Variants in ARHGEF40 observed in about 807,000 individuals in gnomAD.
ARHGEF40 encodes Rho guanine nucleotide exchange factor (GEF) 40.
ARHGEF40 carries 98 observed loss-of-function variants against 165.9 expected under a neutral mutation model. The ratio of observed to expected loss-of-function variants is 0.59; its 90% CI spans 0.50 to 0.70. The LOEUF (loss-of-function observed/expected upper bound fraction) is 0.70, where lower values mean the gene tolerates loss of function less well. Among genes scored for constraint, ARHGEF40 ranks in the 30% least tolerant of loss-of-function variants. The pLI is 0.00. For missense variants in ARHGEF40, 1,815 were observed against 1,968.0 expected (o/e 0.92, Z 1.47); for synonymous variants, 792 against 814.3 (o/e 0.97, Z 0.47).
Position 21,081,952 on chromosome 14 carries a change from G to A in ARHGEF40, c.3084G>A (p.Glu1028=). Reference sequence around the variant, plus strand: ...GCCCTGAGCTGGCTCCAGAAGCAGAGGGCAGGCCCCCAAGAGCTGTGCTGA... The same window carrying A: ...GCCCTGAGCTGGCTCCAGAAGCAGAAGGCAGGCCCCCAAGAGCTGTGCTGA... ...EEGPELAPEA[E]GRPPRAVLIR... Residue 1028 remains glutamate, a synonymous_variant, in exon 14 of 24, where the codon GAG becomes GAA. Coordinates refer to ENST00000298694, the MANE Select transcript of ARHGEF40 (RefSeq NM_018071.5). The A allele has an allele frequency of 6.2e-7, 1 of 1,605,850 alleles. No individual in the cohort carries two copies. The highest frequency in any genetic ancestry group is 8.5e-7 in the Non-Finnish European group (1 of 1,176,304).
rs750321021 is a variant in ARHGEF40, at chr14:21,075,017, C to G, written c.1287C>G (p.His429Gln). The change falls in exon 3 of 24, where the codon CAC becomes CAG. Residue 429 changes from histidine (H) to glutamine (Q), a missense_variant. His to Gln is a conservative substitution (Grantham distance 24, BLOSUM62 0). Coordinates refer to ENST00000298694, the MANE Select transcript of ARHGEF40 (RefSeq NM_018071.5). This position sits in a 1 kb window ranked among gnomAD's most constrained non-coding sequence, Gnocchi z 4.5. ...SPSEHKLPEC[H>Q]LVKEEYEGSG... ...GTGAGCACAAGCTTCCAGAATGCCA[C>G]CTGGTTAAGGAGGAATATGAAGGCT... 1 of 1,613,790 alleles carries G rather than the reference C, an allele frequency of 6.2e-7. No individual in the cohort carries two copies. The highest frequency in any genetic ancestry group is 8.5e-7 in the Non-Finnish European group (1 of 1,179,980).
At chr14:21,083,136 G>C (rs1888060563) in intron 16 of ARHGEF40, among the ~76,000 whole-genome samples, 1 of 152,012 alleles carries the variant, frequency 6.6e-6, no homozygotes, top group Non-Finnish European at 1.5e-5. Flanking sequence ...GTTTCCTCTG[G>C]GCCTCTATTT....
upstream of ARHGEF40, among the ~76,000 whole-genome samples, chr14:21,066,504 G>C (rs1886275216): frequency 6.6e-6 from 1 of 152,156 alleles, no homozygotes; most frequent in Non-Finnish European, 1.5e-5. Flanking sequence ...ATTTTTAGTA[G>C]AGACAGGGTT....
intron 11 of ARHGEF40, among the ~76,000 whole-genome samples, chr14:21,080,199 GACACACACACACACACACACACACACAC>G (rs71112543): frequency 0.028 from 3,800 of 135,408 alleles, 62 homozygotes; most frequent in South Asian, 0.093. Context: ...ATTAAAGCCG[GACACACACACACACACACACACACACAC>G]ACACACACAC....
intron 11 of ARHGEF40, among the ~76,000 whole-genome samples, chr14:21,080,199 GACACACACACACAC>G (rs71112543): frequency 2.9e-3 from 397 of 135,358 alleles, no homozygotes; most frequent in Admixed American, 5.3e-3. Flanking sequence ...ATTAAAGCCG[GACACACACACACAC>G]ACACACACAC....
At chr14:21,088,958 G>A (rs1594587728) in intron 23 of ARHGEF40, 56 bp from the exon 24 acceptor site, 1 of 1,432,140 alleles carries the variant, frequency 7.0e-7, no homozygotes, top group Non-Finnish European at 9.7e-7. Flanking sequence ...CCGGCTACTT[G>A]GGAGTCAGCT....
At position 21,082,363 on chromosome 14, in the gene ARHGEF40, C is replaced by T; in HGVS notation, c.3371C>T (p.Ala1124Val). Residue 1124 changes from alanine to valine, a missense_variant, in exon 15 of 24, where the codon GCT (alanine) becomes GTT (valine). Ala to Val is a moderately conservative substitution (Grantham distance 64, BLOSUM62 0). Coordinates refer to ENST00000298694, the MANE Select transcript of ARHGEF40 (RefSeq NM_018071.5). ...ACGCCTGAACTTCGGGGCACCTGGG[C>T]TGCTGCCCTGAGTGCCCGGGAAAGG... is the stretch of plus-strand genomic sequence containing the variant. ...ELTPELRGTW[A>V]AALSARERLR... 1.2e-6 allele frequency: 2 copies of T among 1,611,744 alleles called. No individual in the cohort carries two copies. The highest frequency in any genetic ancestry group is 1.1e-5 in the South Asian group (1 of 91,062).
intron 20 of ARHGEF40, 102 bp downstream of exon 20, chr14:21,087,207 C>T (rs539333894): frequency 6.3e-7 from 1 of 1,580,582 alleles, no homozygotes; most frequent in Non-Finnish European, 8.6e-7. Flanking sequence ...GCATCTCGTC[C>T]CCAAATCAGT....
At position 21,087,108 on chromosome 14, in the gene ARHGEF40, G is replaced by T; in HGVS notation, c.4243+3G>T. 6.2e-7 allele frequency: 1 copy of T among 1,607,418 alleles called. No homozygotes were observed. The highest frequency in any genetic ancestry group is 8.5e-7 in the Non-Finnish European group (1 of 1,176,756). ...GAGTGCCCTGCTCACTGGAAGAGGT[G>T]AGGGCCAGGGTGCTGGGGGGTGGCC... is the stretch of plus-strand genomic sequence containing the variant. On this transcript the variant is annotated splice_donor_region_variant and intron_variant, in intron 20 of 23. Coordinates refer to ENST00000298694, the MANE Select transcript of ARHGEF40 (RefSeq NM_018071.5).
intron 11 of ARHGEF40, among the ~76,000 whole-genome samples, chr14:21,079,248 G>T (rs1055584154): frequency 4.6e-5 from 7 of 152,232 alleles, no homozygotes; most frequent in African/African-American, 1.7e-4. Flanking sequence ...CGAAAATGCT[G>T]AGAGATTGTG....
In ARHGEF40 at chr14:21,083,932, A is replaced by G; in HGVS notation, c.3671A>G (p.Glu1224Gly). 6.2e-7 allele frequency: 1 copy of G among 1,614,056 alleles called. No individual in the cohort carries two copies. Among genetic ancestry groups the G allele is most frequent in the Non-Finnish European group, 8.5e-7 (1 of 1,180,024 alleles). The change falls in exon 17 of 24, where the codon GAA (glutamate) becomes GGA (glycine). Residue 1224 changes from glutamate (E) to glycine (G), a missense_variant. Coordinates refer to ENST00000298694, the MANE Select transcript of ARHGEF40 (RefSeq NM_018071.5). Reference sequence around the variant, plus strand: ...CGGCTCCTGGAGGAGCTCCTGAGGGAAGCTGGGCCTGAGCTCAGTTCTGAG... The same window carrying G: ...CGGCTCCTGGAGGAGCTCCTGAGGGGAGCTGGGCCTGAGCTCAGTTCTGAG... ...YGRLLEELLR[E>G]AGPELSSECR...
rs1888146602 is a variant in ARHGEF40 at position 21,084,003 on chromosome 14, G to A, written c.3742G>A (p.Ala1248Thr). 6.2e-7 allele frequency: 1 copy of A among 1,612,520 alleles called. No individual in the cohort carries two copies. The change falls in exon 17 of 24, where the codon GCC becomes ACC. Residue 1248 changes from alanine (A) to threonine (T), a missense_variant. Transcript: ENST00000298694. The stretch of plus-strand genomic sequence containing the variant: ...TGTACAGCTGCTCCGGGAACAAGAG[G>A]CCCGTGGCAGAGACCTGCTGGCCGT... ...AAVQLLREQE[A>T]RGRDLLAVEA... is the part of the protein sequence containing the mutation.
At position 21,082,842 on chromosome 14, in the gene ARHGEF40, C is replaced by G; in HGVS notation, c.3498C>G (p.Phe1166Leu). The change falls in exon 16 of 24, where the codon TTC (phenylalanine) becomes TTG (leucine). Residue 1166 changes from phenylalanine to leucine, a missense_variant. Coordinates refer to ENST00000298694, the MANE Select transcript of ARHGEF40 (RefSeq NM_018071.5). ...GACFLRHGDQ[F>L]SLYAQYVKHR... ...CTTTACTGGCACAGGGGGACCAGTT[C>G]AGCCTTTATGCACAGTACGTGAAGC... 1 of 1,614,164 alleles carries G rather than the reference C, an allele frequency of 6.2e-7. No individual in the cohort carries two copies. The highest frequency in any genetic ancestry group is 8.5e-7 in the Non-Finnish European group (1 of 1,180,016).
At position 21,070,421 on chromosome 14, in the gene ARHGEF40, C is replaced by T; in HGVS notation, c.3+22C>T. The T allele has an allele frequency of 7.1e-7, 1 of 1,409,558 alleles. No individual in the cohort carries two copies. Among genetic ancestry groups the T allele is most frequent in the South Asian group, 1.6e-5 (1 of 63,984 alleles). 87.3% of individuals were successfully genotyped at this position (1,409,558 alleles called of 1,614,324 possible). ...CATGGTGAGTCCAGCGTCGCAGCCC[C>T]CTGGGTCCCCTCGGCCTTCGCGCAG... On this transcript the variant is annotated intron_variant, in intron 1 of 23. Transcript: ENST00000298694. This position sits in a 1 kb window ranked among gnomAD's most constrained non-coding sequence, Gnocchi z 4.7.
Position 21,080,888 on chromosome 14 carries a change from G to T in ARHGEF40, c.2512G>T (p.Ala838Ser), listed in dbSNP as rs1049237211. The T allele has an allele frequency of 6.2e-7, 1 of 1,613,972 alleles. No homozygotes were observed. The highest frequency in any genetic ancestry group is 1.3e-5 in the African/African-American group (1 of 75,060). The part of the protein sequence containing the change: ...SAEVQERLAQ[A>S]REALALEENA... Reference sequence around the variant, plus strand: ...CCTTCTCCAGGAGCGCCTGGCCCAGGCACGGGAGGCCCTGGCTCTGGAGGA... The same window carrying T: ...CCTTCTCCAGGAGCGCCTGGCCCAGTCACGGGAGGCCCTGGCTCTGGAGGA... Residue 838 changes from alanine to serine, a missense_variant, in exon 13 of 24, where the codon GCA (alanine) becomes TCA (serine). Ala to Ser is a moderately conservative substitution (Grantham distance 99). Transcript: ENST00000298694.
At chr14:21,082,723 G>A in intron 15 of ARHGEF40, 108 bp from the exon 16 acceptor site, 1 of 1,228,696 alleles carries the variant, frequency 8.1e-7, no homozygotes, top group Non-Finnish European at 1.2e-6. Flanking sequence ...AGTGCTCCCT[G>A]GTGACCCATC....
At chr14:21,062,351 G>C in the ARHGEF40 span, among the ~76,000 whole-genome samples, 1 of 152,178 alleles carries the variant, frequency 6.6e-6, no homozygotes, top group Non-Finnish European at 1.5e-5. Flanking sequence ...CAAGGCTCAG[G>C]CTCAAGGGCA....
intron 17 of ARHGEF40, among the ~76,000 whole-genome samples, chr14:21,084,447 T>TCCTCTGGAATCC (rs1441332215): frequency 6.6e-6 from 1 of 152,212 alleles, no homozygotes; most frequent in Non-Finnish European, 1.5e-5. Context: ...ATAGACCTAT[T>TCCTCTGGAATCC]TCCCTTTCAG....
upstream of ARHGEF40, among the ~76,000 whole-genome samples, chr14:21,067,761 TACAC>T (rs3061993): frequency 3.1e-4 from 46 of 150,120 alleles, no homozygotes; most frequent in South Asian, 8.5e-4. Context: ...TGTACACACG[TACAC>T]ACACACACAC....
Sources: allele counts gnomAD v4.1 joint callset (sites outside exome capture counted in the v4.1 genomes callset), GRCh38; gene constraint gnomAD v4.1.1; non-coding constraint Gnocchi (gnomAD v3.1); transcripts MANE v1.5; gene names NCBI Gene and HGNC (gene_info 2026-07-23, HGNC 2026-07-21).